The following NPAS3 variants were observed in gnomAD, a reference collection of about 807,000 sequenced individuals.
The protein encoded by NPAS3 is neuronal PAS domain protein 3.
Under a neutral mutation model 73.1 loss-of-function variants are expected in NPAS3, and 14 were observed. The ratio of observed to expected loss-of-function variants is 0.19; its 90% CI spans 0.13 to 0.30. The LOEUF is 0.30. Among genes scored for constraint, NPAS3 ranks in the 10% least tolerant of loss-of-function variants. The pLI is 1.00. For synonymous variants in NPAS3, 620 were observed against 541.5 expected (o/e 1.14, Z -2.01); for missense variants, 1,096 against 1,250.0 (o/e 0.88, Z 1.86).
At chr14:33,226,701 A>C (rs529019309) in intron 3 of NPAS3, among the ~76,000 whole-genome samples, 2 of 152,328 alleles carry the variant, frequency 1.3e-5, no homozygotes, top group African/African-American at 4.8e-5. Flanking sequence ...GAGTGCTCCA[A>C]GGGTGAATGC....
At chr14:33,096,020 A>T (rs928051260) in intron 2 of NPAS3, among the ~76,000 whole-genome samples, 2 of 149,840 alleles carry the variant, frequency 1.3e-5, no homozygotes, top group Non-Finnish European at 3.0e-5. Context: ...ATCCCAGCTT[A>T]ATTTTGTTAA....
intron 5 of NPAS3, among the ~76,000 whole-genome samples, chr14:33,595,827 C>T (rs1008507232): frequency 6.6e-5 from 10 of 152,232 alleles, no homozygotes; most frequent in South Asian, 4.1e-4. Flanking sequence ...CCCGCCACCA[C>T]GCCTGGCTGA....
chr14:32,977,709 G>T (rs201047924), intron 1 of NPAS3, among the ~76,000 whole-genome samples: 2 of 151,960 alleles, frequency 1.3e-5, no homozygotes, highest in African/African-American at 2.4e-5. Flanking sequence ...TCCAGCCTGG[G>T]TGACAGCAAG....
intron 3 of NPAS3, among the ~76,000 whole-genome samples, chr14:33,345,863 C>T (rs1407031082): frequency 1.3e-5 from 2 of 152,198 alleles, no homozygotes; most frequent in Non-Finnish European, 2.9e-5. Context: ...TCATTCTTCA[C>T]TAGCCACTCT....
chr14:33,428,987 A>AGGAG (rs2048670437), intron 4 of NPAS3, among the ~76,000 whole-genome samples: 1 of 152,102 alleles, frequency 6.6e-6, no homozygotes, highest in Non-Finnish European at 1.5e-5. Flanking sequence ...CAAAATAGCG[A>AGGAG]GGAGGTTGGA....
At chr14:32,970,854 A>G (rs2037389883) in intron 1 of NPAS3, among the ~76,000 whole-genome samples, 1 of 152,098 alleles carries the variant, frequency 6.6e-6, no homozygotes, top group Admixed American at 6.5e-5. Context: ...CTGGAATAGA[A>G]CCCACCTTAA....
intron 5 of NPAS3, among the ~76,000 whole-genome samples, chr14:33,595,220 T>C (rs575719201): frequency 6.6e-6 from 1 of 152,206 alleles, no homozygotes; most frequent in African/African-American, 2.4e-5. Context: ...TTGTAAAATA[T>C]ATGCCTTATG....
chr14:33,572,621 C>T (rs1033628346), intron 5 of NPAS3, among the ~76,000 whole-genome samples: 3 of 152,262 alleles, frequency 2.0e-5, no homozygotes, highest in South Asian at 2.1e-4. Context: ...TAACCAGGAA[C>T]GCTAGTTACC....
intron 4 of NPAS3, among the ~76,000 whole-genome samples, chr14:33,389,120 T>C (rs973489970): frequency 2.0e-5 from 3 of 152,172 alleles, no homozygotes; most frequent in African/African-American, 4.8e-5. Flanking sequence ...CTGTGAGATA[T>C]ATCACACACT....
intron 2 of NPAS3, among the ~76,000 whole-genome samples, chr14:33,090,959 A>G (rs1011861661): frequency 2.0e-5 from 3 of 152,176 alleles, no homozygotes; most frequent in Admixed American, 1.3e-4. Context: ...GAGAACAAAC[A>G]TACCAGAATC....
intron 3 of NPAS3, among the ~76,000 whole-genome samples, chr14:33,277,907 A>G (rs1168913913): frequency 6.6e-6 from 1 of 152,130 alleles, no homozygotes; most frequent in African/African-American, 2.4e-5. Context: ...TGTAGACAGT[A>G]TACTAGGAAA....
At chr14:33,034,913 AG>A (rs2040112984) in intron 1 of NPAS3, among the ~76,000 whole-genome samples, 1 of 152,180 alleles carries the variant, frequency 6.6e-6, no homozygotes, top group East Asian at 1.9e-4. Context: ...TCTTTGGAAA[AG>A]TTGTGTTAAG....
At chr14:33,011,871 T>A (rs369962382) in intron 1 of NPAS3, among the ~76,000 whole-genome samples, 2 of 152,234 alleles carry the variant, frequency 1.3e-5, no homozygotes, top group Non-Finnish European at 2.9e-5. Context: ...GTGGCAGACA[T>A]GAATAAAAAA....
intron 3 of NPAS3, among the ~76,000 whole-genome samples, chr14:33,222,331 A>G (rs550920345): frequency 6.6e-6 from 1 of 152,348 alleles, no homozygotes; most frequent in African/African-American, 2.4e-5. Context: ...AGGAGGTCAG[A>G]GAGAATATCT....
At chr14:33,056,314 C>CA (rs1222250307) in intron 2 of NPAS3, among the ~76,000 whole-genome samples, 1 of 152,020 alleles carries the variant, frequency 6.6e-6, no homozygotes, top group South Asian at 2.1e-4. Flanking sequence ...AAAATCTCGG[C>CA]AAAATACATT....
chr14:33,374,979 G>T (rs1392970692), intron 4 of NPAS3, among the ~76,000 whole-genome samples: 1 of 152,114 alleles, frequency 6.6e-6, no homozygotes, highest in Non-Finnish European at 1.5e-5. Flanking sequence ...CTACTTTATT[G>T]TTGAGTTAAA....
At chr14:33,521,047 A>G (rs1479453135) in intron 4 of NPAS3, among the ~76,000 whole-genome samples, 1 of 152,120 alleles carries the variant, frequency 6.6e-6, no homozygotes, top group Non-Finnish European at 1.5e-5. Flanking sequence ...TGCAAGACCA[A>G]TATCTGAAGC....
At chr14:33,553,259 G>A (rs900273935) in intron 4 of NPAS3, among the ~76,000 whole-genome samples, 4 of 152,202 alleles carry the variant, frequency 2.6e-5, no homozygotes, top group Admixed American at 6.5e-5. Context: ...ATTTTAAGGA[G>A]CAGAAGTAAA....
chr14:33,100,307 C>A (rs1029090883), intron 2 of NPAS3, among the ~76,000 whole-genome samples: 1 of 152,120 alleles, frequency 6.6e-6, no homozygotes, highest in Non-Finnish European at 1.5e-5. Context: ...TCTCTTGACC[C>A]ATTAATTGAA....
Sources: gnomAD v4.1 joint callset for allele counts (sites outside exome capture counted in the v4.1 genomes callset) on GRCh38, gnomAD v4.1.1 for gene constraint, MANE v1.5 for transcripts, NCBI Gene and HGNC (gene_info 2026-07-23, HGNC 2026-07-21) for gene names.